CSMD3: variants seen among roughly 807,000 people sequenced by gnomAD.
CSMD3 encodes CUB and Sushi multiple domains 3.
Under a neutral mutation model 435.2 loss-of-function variants are expected in CSMD3, and 177 were observed. That is an observed-to-expected ratio of 0.41 (90% CI 0.36 to 0.46). The LOEUF is 0.46. Among genes scored for constraint, CSMD3 ranks in the 20% least tolerant of loss-of-function variants. The pLI, the probability that CSMD3 is intolerant of heterozygous loss-of-function variation, is 0.34. For synonymous variants in CSMD3, 1,656 were observed against 1,520.5 expected (o/e 1.09, Z -2.07); for missense variants, 4,265 against 4,504.6 (o/e 0.95, Z 1.52).
intron 27 of CSMD3, among the ~76,000 whole-genome samples, chr8:112,521,532 TACTTGATA>T (rs1253272720): frequency 6.6e-6 from 1 of 151,968 alleles, no homozygotes; most frequent in African/African-American, 2.4e-5. Context: ...TTGCTTTTGT[TACTTGATA>T]ACCTAATGAC....
intron 3 of CSMD3, among the ~76,000 whole-genome samples, chr8:113,176,108 C>G (rs1447216845): frequency 6.6e-6 from 1 of 152,012 alleles, no homozygotes; most frequent in Non-Finnish European, 1.5e-5. Flanking sequence ...CCTGCCTTAT[C>G]GCTTAATTAC....
rs528572278 is a variant in CSMD3, at chr8:112,261,915, A to T, written c.9862+1724T>A. On this transcript the variant is annotated intron_variant, in intron 61 of 70. Transcript: ENST00000297405. ...TATTGCCTTTTTTATTTTAGAAAAA[A>T]AAATACATATATATATTCTAAATAT... is the stretch of plus-strand genomic sequence containing the variant. Among the ~76,000 whole-genome samples the T allele has an allele frequency of 3.3e-5, 5 of 152,122 alleles. No individual in the cohort carries two copies. In the East Asian group the frequency reaches 9.6e-4, roughly 29 times the overall value.
chr8:113,300,708 A>C (rs1449683083), intron 2 of CSMD3, among the ~76,000 whole-genome samples: 1 of 152,086 alleles, frequency 6.6e-6, no homozygotes, highest in Non-Finnish European at 1.5e-5. Context: ...GAGGGTGGGA[A>C]TATAGGCTGA....
rs376195440 is a variant in CSMD3 at position 113,198,315 on chromosome 8, T to C, written c.515-24399A>G. Among the ~76,000 whole-genome samples the C allele has an allele frequency of 4.0e-5, 6 of 151,498 alleles. No individual in the cohort carries two copies. In the South Asian group the frequency reaches 1.0e-3, roughly 26 times the overall value. On this transcript the variant is annotated intron_variant, in intron 3 of 70. Coordinates refer to ENST00000297405, the MANE Select transcript of CSMD3 (RefSeq NM_198123.2). Reference sequence around the variant, plus strand: ...ACATATGCCATCATCCTGTTAAATTTAGTATGTGTATGTTGTATATACATA... The same window carrying C: ...ACATATGCCATCATCCTGTTAAATTCAGTATGTGTATGTTGTATATACATA...
rs2131662231 is a variant in CSMD3 at position 112,656,298 on chromosome 8, C to T, written c.2860G>A (p.Gly954Arg). 6.2e-7 allele frequency: 1 copy of T among 1,613,476 alleles called. No individual in the cohort carries two copies. Among genetic ancestry groups the T allele is most frequent in the Non-Finnish European group, 8.5e-7 (1 of 1,179,660 alleles). Residue 954 changes from glycine (G) to arginine (R), a missense_variant, in exon 18 of 71, where the codon GGG (glycine) becomes AGG (arginine). Physicochemically the swap from Gly to Arg is moderately radical, Grantham distance 125. Coordinates refer to ENST00000297405, the MANE Select transcript of CSMD3 (RefSeq NM_198123.2). Reference sequence around the variant, plus strand: ...AGCAAGGGTGACAGAAGATTTGGCCCATCATGAACTTCCAGAACATCATAA... The same window carrying T: ...AGCAAGGGTGACAGAAGATTTGGCCTATCATGAACTTCCAGAACATCATAA... ...LNYDVLEVHD[G>R]PNLLSPLLGS...
intron 11 of CSMD3, among the ~76,000 whole-genome samples, chr8:112,838,341 T>G (rs2080087205): frequency 1.3e-5 from 2 of 151,908 alleles, no homozygotes; most frequent in South Asian, 4.2e-4. Flanking sequence ...AACTTTATCT[T>G]CTATATGAAA....
intron 12 of CSMD3, among the ~76,000 whole-genome samples, chr8:112,823,895 T>C (rs2079599668): frequency 6.6e-6 from 1 of 152,152 alleles, no homozygotes; most frequent in African/African-American, 2.4e-5. Flanking sequence ...TCTCTCTCAC[T>C]GATATATCTA....
chr8:112,322,364 A>T (rs1411944090), intron 45 of CSMD3, among the ~76,000 whole-genome samples: 2 of 152,014 alleles, frequency 1.3e-5, no homozygotes, highest in Non-Finnish European at 2.9e-5. Context: ...TTATTTTTCC[A>T]AGACAACATG....
chr8:112,302,353 T>TA (rs138465885), intron 52 of CSMD3, among the ~76,000 whole-genome samples: 4,151 of 152,234 alleles, frequency 0.027, 118 homozygotes, highest in East Asian at 0.15. Flanking sequence ...CCCTTTGACT[T>TA]ACCTGAGCCA....
chr8:113,348,155 C>A (rs1434636484), intron 1 of CSMD3, among the ~76,000 whole-genome samples: 1 of 152,128 alleles, frequency 6.6e-6, no homozygotes, highest in Non-Finnish European at 1.5e-5. Flanking sequence ...CTATTGTTAT[C>A]TCCACTAGAA....
chr8:113,168,328 C>T (rs1399903131), intron 4 of CSMD3, among the ~76,000 whole-genome samples: 1 of 151,800 alleles, frequency 6.6e-6, no homozygotes, highest in Non-Finnish European at 1.5e-5. Context: ...AGATCAAGAC[C>T]TGGCCAACAT....
At chr8:112,614,053 G>A (rs2079954671) in intron 22 of CSMD3, among the ~76,000 whole-genome samples, 1 of 152,150 alleles carries the variant, frequency 6.6e-6, no homozygotes, top group South Asian at 2.1e-4. Flanking sequence ...AAGGAGGATA[G>A]GAAGTATTGA....
Position 112,332,657 on chromosome 8 carries a change from A to G in CSMD3, c.7165+2672T>C, listed in dbSNP as rs184022899. ...GCTCCCAAACTTCAAGTTTATTTTA[A>G]AATTTGGGTAGAATCTCCATAGCTG... On this transcript the variant is annotated intron_variant, in intron 45 of 70. Coordinates refer to ENST00000297405, the MANE Select transcript of CSMD3 (RefSeq NM_198123.2). Among the ~76,000 whole-genome samples, 298 of 152,262 alleles carry G rather than the reference A, an allele frequency of 2.0e-3. 2 individuals are homozygous for G. The Middle Eastern group carries it at 0.024, about 12-fold the overall frequency.
At chr8:112,424,688 C>T (rs140534457) in intron 32 of CSMD3, among the ~76,000 whole-genome samples, 1,964 of 151,644 alleles carry the variant, frequency 0.013, 33 homozygotes, top group African/African-American at 0.035. Context: ...ATTTTACTTA[C>T]TTATTTATTT....
chr8:113,385,260 C>G (rs569342433), intron 1 of CSMD3, among the ~76,000 whole-genome samples: 1 of 152,202 alleles, frequency 6.6e-6, no homozygotes, highest in African/African-American at 2.4e-5. Flanking sequence ...ACTTTGTATT[C>G]TCAGAGCCTT....
chr8:112,310,793 A>G, intron 50 of CSMD3, 185 bp downstream of exon 50: 1 of 694,308 alleles, frequency 1.4e-6, no homozygotes, highest in Non-Finnish European at 2.6e-6. Flanking sequence ...ATAATTATAA[A>G]ACAGTATGTT....
intron 3 of CSMD3, among the ~76,000 whole-genome samples, chr8:113,237,809 G>A (rs2093166815): frequency 6.6e-6 from 1 of 152,182 alleles, no homozygotes; most frequent in Non-Finnish European, 1.5e-5. Context: ...GGGAGCGATA[G>A]CTCATGCCTG....
At chr8:112,935,251 T>C (rs1298301284) in intron 9 of CSMD3, among the ~76,000 whole-genome samples, 5 of 152,082 alleles carry the variant, frequency 3.3e-5, no homozygotes, top group Non-Finnish European at 7.4e-5. Flanking sequence ...GTTCCATTGG[T>C]CTCTCCTTGT....
At chr8:112,560,824 C>A (rs879603717) in intron 24 of CSMD3, among the ~76,000 whole-genome samples, 1 of 151,620 alleles carries the variant, frequency 6.6e-6, no homozygotes, top group Non-Finnish European at 1.5e-5. Context: ...TACAAGTTTG[C>A]ATTTCTTCCA....
Sources: allele counts gnomAD v4.1 joint callset (sites outside exome capture counted in the v4.1 genomes callset), GRCh38; gene constraint gnomAD v4.1.1; transcripts MANE v1.5; gene names NCBI Gene and HGNC (gene_info 2026-07-23, HGNC 2026-07-21).